Variants in CTNNA3 observed in about 807,000 individuals in gnomAD.
The protein encoded by CTNNA3 is catenin alpha 3.
A neutral mutation model predicts 95.7 loss-of-function variants in CTNNA3; 76 were observed. The ratio of observed to expected loss-of-function variants is 0.79; its 90% CI spans 0.66 to 0.96. The LOEUF (loss-of-function observed/expected upper bound fraction) is 0.96, where lower values mean the gene tolerates loss of function less well. Ranked by LOEUF, CTNNA3 falls within the 40% of genes least tolerant of loss-of-function variation. The pLI, the probability that CTNNA3 is intolerant of heterozygous loss-of-function variation, is 0.00. For missense variants in CTNNA3, 1,191 were observed against 1,089.8 expected (o/e 1.09, Z -1.31); for synonymous variants, 431 against 374.4 (o/e 1.15, Z -1.74).
chr10:66,393,738 T>C (rs1053545490), intron 11 of CTNNA3, among the ~76,000 whole-genome samples: 3 of 152,072 alleles, frequency 2.0e-5, no homozygotes, highest in Non-Finnish European at 2.9e-5. Flanking sequence ...AACATATACA[T>C]AAGATTTTGT....
At chr10:66,444,162 T>C (rs932628006) in intron 11 of CTNNA3, among the ~76,000 whole-genome samples, 2 of 151,984 alleles carry the variant, frequency 1.3e-5, no homozygotes, top group Non-Finnish European at 2.9e-5. Flanking sequence ...CTCCAAGAAA[T>C]ATGGGACTAT....
intron 13 of CTNNA3, among the ~76,000 whole-genome samples, chr10:66,180,781 C>T (rs1404381750): frequency 1.3e-5 from 2 of 152,166 alleles, no homozygotes; most frequent in East Asian, 3.8e-4. Flanking sequence ...TCTTCATTAG[C>T]ATGCCTCCCT....
intron 9 of CTNNA3, among the ~76,000 whole-genome samples, chr10:66,692,089 A>T (rs569345600): frequency 6.6e-6 from 1 of 152,188 alleles, no homozygotes; most frequent in African/African-American, 2.4e-5. Flanking sequence ...GTTCCTCACC[A>T]GCAATGGAAC....
At chr10:66,971,883 C>G (rs146546281) in intron 7 of CTNNA3, among the ~76,000 whole-genome samples, 17 of 151,964 alleles carry the variant, frequency 1.1e-4, no homozygotes, top group African/African-American at 4.1e-4. Context: ...TTTTTTTCAA[C>G]AAGGTCAGAG....
At chr10:67,742,165 C>T (rs1183555411) in intron 1 of CTNNA3, among the ~76,000 whole-genome samples, 1 of 151,168 alleles carries the variant, frequency 6.6e-6, no homozygotes, top group Non-Finnish European at 1.5e-5. Flanking sequence ...ACCTAATAGA[C>T]ACAACTTTCC....
intron 9 of CTNNA3, among the ~76,000 whole-genome samples, chr10:66,742,398 A>C (rs2132701051): frequency 6.6e-6 from 1 of 152,254 alleles, no homozygotes; most frequent in East Asian, 1.9e-4. Flanking sequence ...AAACTTCATT[A>C]TCAATTTTAA....
At chr10:66,149,422 T>C (rs576046793) in intron 13 of CTNNA3, among the ~76,000 whole-genome samples, 23 of 151,240 alleles carry the variant, frequency 1.5e-4, no homozygotes, top group Non-Finnish European at 2.2e-4. Flanking sequence ...TTGTTTTCCA[T>C]GTAAATATCC....
At chr10:67,417,277 A>T (rs547215313) in intron 5 of CTNNA3, among the ~76,000 whole-genome samples, 1 of 152,264 alleles carries the variant, frequency 6.6e-6, no homozygotes, top group East Asian at 1.9e-4. Context: ...TGGGAAAAAT[A>T]GACATTGTGG....
At chr10:66,580,013 T>G (rs1294462382) in intron 10 of CTNNA3, among the ~76,000 whole-genome samples, 1 of 151,740 alleles carries the variant, frequency 6.6e-6, no homozygotes, top group Admixed American at 6.6e-5. Flanking sequence ...TCTGAGGTTG[T>G]GTTTTGTTTT....
intron 12 of CTNNA3, among the ~76,000 whole-genome samples, chr10:66,321,554 G>T (rs1307115328): frequency 6.6e-6 from 1 of 152,118 alleles, no homozygotes; most frequent in East Asian, 1.9e-4. Flanking sequence ...TCCTTTAAAT[G>T]TATTCTTTTA....
At chr10:66,889,498 C>T (rs1171439421) in intron 7 of CTNNA3, among the ~76,000 whole-genome samples, 1 of 151,990 alleles carries the variant, frequency 6.6e-6, no homozygotes, top group East Asian at 1.9e-4. Flanking sequence ...ATCTATCTTC[C>T]ATTCGATTTT....
chr10:66,604,761 C>A (rs940820477), intron 10 of CTNNA3, among the ~76,000 whole-genome samples: 4 of 147,654 alleles, frequency 2.7e-5, no homozygotes, highest in Non-Finnish European at 5.9e-5. Flanking sequence ...ATAATCAAAC[C>A]CTCAGGGTCA....
chr10:66,781,449 A>C (rs1455506880), intron 7 of CTNNA3, among the ~76,000 whole-genome samples: 1 of 152,178 alleles, frequency 6.6e-6, no homozygotes, highest in Non-Finnish European at 1.5e-5. Context: ...AGACAAGTAT[A>C]AGAAAGAAAA....
At chr10:66,055,815 A>G (rs2080071460) in intron 15 of CTNNA3, among the ~76,000 whole-genome samples, 1 of 150,252 alleles carries the variant, frequency 6.7e-6, no homozygotes, top group African/African-American at 2.5e-5. Context: ...CCAGTTACTC[A>G]GGAGGCTGAA....
intron 7 of CTNNA3, among the ~76,000 whole-genome samples, chr10:67,057,819 A>C: frequency 6.6e-6 from 1 of 152,124 alleles, no homozygotes; most frequent in East Asian, 1.9e-4. Flanking sequence ...CTCTTTTGCC[A>C]TCCCTTGAGG....
chr10:66,639,909 T>TA (rs1035098813), intron 9 of CTNNA3, among the ~76,000 whole-genome samples: 6 of 151,850 alleles, frequency 4.0e-5, no homozygotes, highest in Non-Finnish European at 5.9e-5. Flanking sequence ...TAGGTAAGTT[T>TA]AAAAAAAAGA....
intron 3 of CTNNA3, among the ~76,000 whole-genome samples, chr10:67,546,220 C>T (rs892341230): frequency 1.3e-5 from 2 of 152,172 alleles, no homozygotes; most frequent in African/African-American, 2.4e-5. Flanking sequence ...CAGTCTCAAA[C>T]TCCTGGGATC....
chr10:67,728,205 G>C (rs1841254986), intron 1 of CTNNA3, among the ~76,000 whole-genome samples: 1 of 148,172 alleles, frequency 6.7e-6, no homozygotes, highest in South Asian at 2.1e-4. Context: ...TGTAATCCTA[G>C]CACTTTGGGA....
intron 13 of CTNNA3, among the ~76,000 whole-genome samples, chr10:66,193,334 A>C (rs1339980900): frequency 6.6e-6 from 1 of 152,126 alleles, no homozygotes; most frequent in African/African-American, 2.4e-5. Flanking sequence ...TGGGACAAAA[A>C]CCATAAGACT....
Sources: allele counts gnomAD v4.1 joint callset (sites outside exome capture counted in the v4.1 genomes callset), GRCh38; gene constraint gnomAD v4.1.1; transcripts MANE v1.5; gene names NCBI Gene and HGNC (gene_info 2026-07-23, HGNC 2026-07-21).